Variants in BTRC observed in about 807,000 individuals in gnomAD.
The protein encoded by BTRC is F-box/WD repeat-containing protein 1A.
In BTRC, 42 loss-of-function variants were observed where a neutral mutation model predicts 85.5. That is an observed-to-expected ratio of 0.49 (90% CI 0.38 to 0.64). The LOEUF is 0.64. Ranked by LOEUF, BTRC falls within the 30% of genes least tolerant of loss-of-function variation. The pLI, the probability that BTRC is intolerant of heterozygous loss-of-function variation, is 0.00. For synonymous variants in BTRC, 255 were observed against 263.3 expected (o/e 0.97, Z 0.30); for missense variants, 594 against 743.5 (o/e 0.80, Z 2.34).
rs562954400 is a variant in BTRC at position 101,521,520 on chromosome 10, A to T, written c.325-119A>T. 5.6e-6 allele frequency: 4 copies of T among 718,994 alleles called. No individual in the cohort carries two copies. In the South Asian group the frequency reaches 7.8e-5, roughly 14 times the overall value. 44.5% of individuals were successfully genotyped at this position (718,994 alleles called of 1,614,324 possible). On this transcript the variant is annotated intron_variant, in intron 4 of 14. Transcript: ENST00000370187. ...TGGTTTTCCACGTAATTGCTAATAG[A>T]ATAACAGAGTGGGCTCAATCATGTA...
At chr10:101,527,782 TCTCTCTC>T (rs2062215822) in intron 6 of BTRC, among the ~76,000 whole-genome samples, 1 of 144,366 alleles carries the variant, frequency 6.9e-6, no homozygotes, top group Non-Finnish European at 1.6e-5. Flanking sequence ...TCTCTCTCTC[TCTCTCTC>T]TCACATACAC....
intron 1 of BTRC, among the ~76,000 whole-genome samples, chr10:101,366,900 A>ATT (rs1942428435): frequency 3.2e-5 from 1 of 31,150 alleles, no homozygotes; most frequent in African/African-American, 1.3e-4. Context: ...ATATATATTT[A>ATT]TATATATTAA....
In BTRC at chr10:101,533,098, C is replaced by A. The variant is rs74153251; in HGVS notation, c.1097+28C>A. ...AGAAAATTTCAAATGCTTTTTTGAA[C>A]TCTGAAATATCAGCTCTGCTCTGTT... is the stretch of plus-strand genomic sequence containing the variant. On this transcript the variant is annotated intron_variant, in intron 9 of 14. Coordinates refer to ENST00000370187, the MANE Select transcript of BTRC (RefSeq NM_033637.4). 1,289 of 1,473,988 alleles carry A rather than the reference C, an allele frequency of 8.7e-4. 13 individuals are homozygous for A. In the African/African-American group the frequency reaches 0.016, roughly 18 times the overall value. 91.3% of individuals were successfully genotyped at this position (1,473,988 alleles called of 1,614,324 possible).
At chr10:101,486,445 A>G (rs1303272258) in intron 4 of BTRC, among the ~76,000 whole-genome samples, 8 of 61,830 alleles carry the variant, frequency 1.3e-4, no homozygotes, top group Admixed American at 8.9e-4. Context: ...TTCTCAGGGA[A>G]AAAAAAAAAA....
At chr10:101,501,093 G>A (rs1041093825) in intron 4 of BTRC, among the ~76,000 whole-genome samples, 7 of 152,116 alleles carry the variant, frequency 4.6e-5, no homozygotes, top group African/African-American at 1.7e-4. Flanking sequence ...CTACTCAGGA[G>A]GCTGAGGCAG....
rs2062734014 is a variant in BTRC, at chr10:101,557,308, A to G, written c.*4185A>G. 6.6e-6 allele frequency: 1 copy of G among 152,254 alleles called. No individual in the cohort carries two copies. The highest frequency in any genetic ancestry group is 1.5e-5 in the Non-Finnish European group (1 of 68,060). 9.4% of individuals were successfully genotyped at this position (152,254 alleles called of 1,614,324 possible). On this transcript the variant is annotated 3_prime_UTR_variant, in exon 15 of 15. Transcript: ENST00000370187. ...AAGTAAATTACAAATATAAGATTAA[A>G]GTGAATTTTCTAAGCGTCTTGTCTC...
At chr10:101,501,926 TAAAC>T (rs1005689330) in intron 4 of BTRC, among the ~76,000 whole-genome samples, 6 of 152,282 alleles carry the variant, frequency 3.9e-5, no homozygotes, top group East Asian at 3.9e-4. Flanking sequence ...CATTCTAGGT[TAAAC>T]AAACAAACAA....
chr10:101,544,077 T>A (rs564507373), intron 13 of BTRC, among the ~76,000 whole-genome samples: 2 of 152,160 alleles, frequency 1.3e-5, no homozygotes, highest in African/African-American at 4.8e-5. Context: ...ACCCAGCTAA[T>A]TTTTTGTAGT....
At chr10:101,493,711 A>G (rs1366033266) in intron 4 of BTRC, among the ~76,000 whole-genome samples, 1 of 152,212 alleles carries the variant, frequency 6.6e-6, no homozygotes, top group Non-Finnish European at 1.5e-5. Context: ...CACTTATAGT[A>G]TTTTCCTTTC....
chr10:101,546,039 A>G (rs1454388332), intron 13 of BTRC, among the ~76,000 whole-genome samples: 1 of 152,202 alleles, frequency 6.6e-6, no homozygotes, highest in African/African-American at 2.4e-5. Flanking sequence ...AGACTTCAGC[A>G]CCCCCTATCA....
chr10:101,416,877 A>T (rs1943959992), intron 1 of BTRC, among the ~76,000 whole-genome samples: 1 of 152,164 alleles, frequency 6.6e-6, no homozygotes, highest in Non-Finnish European at 1.5e-5. Flanking sequence ...TTCTGCATGA[A>T]ATTTAGTCTG....
chr10:101,365,373 CTT>C (rs1253340948), intron 1 of BTRC, among the ~76,000 whole-genome samples: 1 of 141,790 alleles, frequency 7.1e-6, no homozygotes, highest in Non-Finnish European at 1.6e-5. Flanking sequence ...GCGCTTGGCC[CTT>C]TTTTTTTTTA....
At chr10:101,397,589 A>T (rs1473131989) in intron 1 of BTRC, among the ~76,000 whole-genome samples, 1 of 152,184 alleles carries the variant, frequency 6.6e-6, no homozygotes, top group East Asian at 1.9e-4. Flanking sequence ...GCTTGTGAAT[A>T]ATGATTTTTT....
chr10:101,535,969 A>G (rs1490535081), intron 11 of BTRC, among the ~76,000 whole-genome samples: 1 of 152,238 alleles, frequency 6.6e-6, no homozygotes, highest in Non-Finnish European at 1.5e-5. Flanking sequence ...AAGGCCATTA[A>G]AAAAGAGCTA....
rs547867703 is a variant in BTRC, at chr10:101,420,333, C to T, written c.49-10012C>T. Reference sequence around the variant, plus strand: ...GACATATCTCTCGCTCCATTTCTCACCCCATACTTCATATGCATGCCTCCC... The same window carrying T: ...GACATATCTCTCGCTCCATTTCTCATCCCATACTTCATATGCATGCCTCCC... On this transcript the variant is annotated intron_variant, in intron 1 of 14. Coordinates refer to ENST00000370187, the MANE Select transcript of BTRC (RefSeq NM_033637.4). 2.0e-5 allele frequency among the ~76,000 whole-genome samples: 3 copies of T among 152,160 alleles called. No individual in the cohort carries two copies. In the East Asian group the frequency reaches 5.8e-4, roughly 29 times the overall value.
chr10:101,529,715 T>C (rs2062251889), intron 6 of BTRC, among the ~76,000 whole-genome samples: 1 of 152,216 alleles, frequency 6.6e-6, no homozygotes, highest in South Asian at 2.1e-4. Context: ...GTTAGAGCCA[T>C]CTACCTTCCT....
intron 2 of BTRC, among the ~76,000 whole-genome samples, chr10:101,459,019 C>CA (rs1945152544): frequency 6.6e-6 from 1 of 152,204 alleles, no homozygotes; most frequent in African/African-American, 2.4e-5. Context: ...AGACTGCTCT[C>CA]AAACTCCTGG....
intron 1 of BTRC, among the ~76,000 whole-genome samples, chr10:101,416,620 CTT>C (rs1943953473): frequency 6.6e-6 from 1 of 152,050 alleles, no homozygotes; most frequent in Admixed American, 6.6e-5. Context: ...ATACTCCAGT[CTT>C]TGGCTCCACA....
chr10:101,383,190 A>G (rs533235749), intron 1 of BTRC, among the ~76,000 whole-genome samples: 1 of 149,668 alleles, frequency 6.7e-6, no homozygotes, highest in Non-Finnish European at 1.5e-5. Flanking sequence ...CAGCCTCCTT[A>G]GTAGCTGGGA....
Sources: gnomAD v4.1 joint callset for allele counts (sites outside exome capture counted in the v4.1 genomes callset) on GRCh38, gnomAD v4.1.1 for gene constraint, MANE v1.5 for transcripts, NCBI Gene and HGNC (gene_info 2026-07-23, HGNC 2026-07-21) for gene names.